The following NRXN3 variants were observed in gnomAD, a reference collection of about 807,000 sequenced individuals.
NRXN3 encodes the protein neurexin III.
NRXN3 carries 32 observed loss-of-function variants against 137.6 expected under a neutral mutation model. That is an observed-to-expected ratio of 0.23 (90% CI 0.18 to 0.31). The LOEUF (loss-of-function observed/expected upper bound fraction) is 0.31. Ranked by LOEUF, NRXN3 falls within the 10% of genes least tolerant of loss-of-function variation. The probability of loss-of-function intolerance (pLI) is 1.00; values close to 1 mark genes in which losing one functional copy is unlikely to be tolerated. For missense variants in NRXN3, 1,574 were observed against 2,062.5 expected, an observed-to-expected ratio of 0.76 and a Z score of 4.59; for synonymous variants, 798 against 784.5, an observed-to-expected ratio of 1.02 and a Z score of -0.29.
intron 15 of NRXN3, among the ~76,000 whole-genome samples, chr14:79,432,947 C>T (rs986617540): frequency 6.6e-6 from 1 of 152,114 alleles, no homozygotes. Flanking sequence ...AGATGTGTGT[C>T]TTGGGTGCCT....
chr14:79,396,391 TGG>T (rs1457975927), intron 15 of NRXN3, among the ~76,000 whole-genome samples: 1 of 152,104 alleles, frequency 6.6e-6, no homozygotes, highest in Non-Finnish European at 1.5e-5. Context: ...AAGTTTGGGG[TGG>T]AACAAATGTT....
chr14:78,984,197 A>C (rs1319964143), intron 14 of NRXN3, among the ~76,000 whole-genome samples: 2 of 152,224 alleles, frequency 1.3e-5, no homozygotes, highest in African/African-American at 4.8e-5. Flanking sequence ...TAAATTTCAA[A>C]TCATTAGAAG....
At chr14:79,618,865 T>G (rs2098190989) in intron 16 of NRXN3, among the ~76,000 whole-genome samples, 1 of 152,016 alleles carries the variant, frequency 6.6e-6, no homozygotes, top group South Asian at 2.1e-4. Flanking sequence ...TCTGTTTTTT[T>G]GTTTGTTTGT....
intron 10 of NRXN3, among the ~76,000 whole-genome samples, chr14:78,855,697 A>G (rs1316812827): frequency 6.6e-6 from 1 of 152,146 alleles, no homozygotes. Flanking sequence ...ATCTGACAGT[A>G]TTTTTCAAAT....
intron 15 of NRXN3, among the ~76,000 whole-genome samples, chr14:79,041,448 A>G (rs373459337): frequency 2.0e-5 from 3 of 152,232 alleles, no homozygotes; most frequent in East Asian, 1.9e-4. Flanking sequence ...GCGCTGCACT[A>G]TGAGTAAATG....
chr14:78,243,022 C>A lies in NRXN3; in HGVS notation c.-72C>A. 4 of 1,158,112 alleles carry A rather than the reference C, an allele frequency of 3.5e-6. No homozygotes were observed. The highest frequency in any genetic ancestry group is 4.7e-6 in the Non-Finnish European group (4 of 842,632). 71.7% of individuals were successfully genotyped at this position (1,158,112 alleles called of 1,614,324 possible). On this transcript the variant is annotated 5_prime_UTR_variant, in exon 2 of 21. Coordinates refer to ENST00000335750, the MANE Select transcript of NRXN3 (RefSeq NM_001330195.2). The surrounding 1 kb of genome is among the most constrained non-coding windows in gnomAD (Gnocchi z 4.2). ...TGTCTTGTCTTTCCCACTTCTATTG[C>A]CAAAGGGAGAGATCCTCTCCGGGCT...
At chr14:79,057,209 T>C (rs896042440) in intron 15 of NRXN3, among the ~76,000 whole-genome samples, 1 of 152,206 alleles carries the variant, frequency 6.6e-6, no homozygotes, top group African/African-American at 2.4e-5. Context: ...TGCAGCACAT[T>C]AGCCAGCAAG....
At position 79,865,772 on chromosome 14, in the gene NRXN3, T is replaced by C. The variant is rs112361523; in HGVS notation, c.*3808T>C. 0.096 allele frequency: 14,644 copies of C among 152,176 alleles called. 889 individuals carry two copies. Among genetic ancestry groups the C allele is most frequent in the East Asian group, 0.28 (1,435 of 5,164 alleles). 9.4% of individuals were successfully genotyped at this position (152,176 alleles called of 1,614,324 possible). On this transcript the variant is annotated 3_prime_UTR_variant, in exon 21 of 21. Transcript: ENST00000335750. The stretch of plus-strand genomic sequence containing the variant: ...TCCTGAGTAGCTGCGACTACAGGCA[T>C]GGGCCACCACACCCAGCTCATTTTT...
chr14:78,342,493 C>T (rs1329547986), intron 4 of NRXN3, among the ~76,000 whole-genome samples: 2 of 152,140 alleles, frequency 1.3e-5, no homozygotes, highest in Non-Finnish European at 2.9e-5. Flanking sequence ...TTCTTGGGTG[C>T]TTACATATAT....
intron 10 of NRXN3, among the ~76,000 whole-genome samples, chr14:78,913,674 G>T (rs924134604): frequency 6.6e-6 from 1 of 152,114 alleles, no homozygotes; most frequent in Non-Finnish European, 1.5e-5. Flanking sequence ...ATATAACCAT[G>T]AGGTTTAAAG....
chr14:78,612,415 A>G (rs2097308043), intron 4 of NRXN3, among the ~76,000 whole-genome samples: 1 of 152,238 alleles, frequency 6.6e-6, no homozygotes, highest in Non-Finnish European at 1.5e-5. Context: ...GTACAGTATG[A>G]GTAATGAATA....
chr14:79,225,368 T>C (rs1208711380), intron 15 of NRXN3, among the ~76,000 whole-genome samples: 1 of 152,164 alleles, frequency 6.6e-6, no homozygotes, highest in African/African-American at 2.4e-5. Context: ...TACTTGGCCA[T>C]AGGATAGCCT....
chr14:78,909,520 T>A (rs562431688), intron 10 of NRXN3, among the ~76,000 whole-genome samples: 1 of 152,292 alleles, frequency 6.6e-6, no homozygotes, highest in Admixed American at 6.5e-5. Context: ...GTTCTTCTCA[T>A]CAAACAAGGG....
At chr14:79,821,414 G>T (rs1228368982) in intron 20 of NRXN3, among the ~76,000 whole-genome samples, 2 of 152,168 alleles carry the variant, frequency 1.3e-5, no homozygotes, top group Admixed American at 1.3e-4. Context: ...GAACTGAAGA[G>T]AACATGCCCT....
chr14:78,900,326 C>A (rs937841146), intron 10 of NRXN3, among the ~76,000 whole-genome samples: 1 of 151,828 alleles, frequency 6.6e-6, no homozygotes, highest in African/African-American at 2.4e-5. Context: ...GCCTTTGGAG[C>A]CTTTAGCAGC....
chr14:78,608,813 C>A (rs1250153312), intron 4 of NRXN3, among the ~76,000 whole-genome samples: 3 of 152,128 alleles, frequency 2.0e-5, no homozygotes, highest in African/African-American at 7.2e-5. Flanking sequence ...GCAGAGGACA[C>A]TCAGAGAAGG....
intron 4 of NRXN3, among the ~76,000 whole-genome samples, chr14:78,371,340 G>T (rs550499811): frequency 6.5e-4 from 99 of 152,256 alleles, no homozygotes; most frequent in African/African-American, 2.3e-3. Context: ...GTCTCTGGCT[G>T]GGCTTCCAGG....
chr14:78,734,459 C>T (rs1417479809), intron 8 of NRXN3, among the ~76,000 whole-genome samples: 1 of 152,180 alleles, frequency 6.6e-6, no homozygotes, highest in African/African-American at 2.4e-5. Context: ...TGATGACTAA[C>T]TGCCAGATAC....
intron 19 of NRXN3, among the ~76,000 whole-genome samples, chr14:79,746,904 C>T (rs1306411506): frequency 6.6e-6 from 1 of 151,946 alleles, no homozygotes; most frequent in East Asian, 1.9e-4. Context: ...CTAAAACTAC[C>T]ATTTGTTCCT....
Sources: gnomAD v4.1 joint callset for allele counts (sites outside exome capture counted in the v4.1 genomes callset) on GRCh38, gnomAD v4.1.1 for gene constraint, Gnocchi (gnomAD v3.1) non-coding constraint, MANE v1.5 for transcripts, NCBI Gene and HGNC (gene_info 2026-07-23, HGNC 2026-07-21) for gene names.